FDXR: variants seen among roughly 807,000 people sequenced by gnomAD.
FDXR encodes the protein ferredoxin reductase, also known as NADPH:adrenodoxin oxidoreductase, mitochondrial.
Under a neutral mutation model 58.3 loss-of-function variants are expected in FDXR, and 38 were observed. The ratio of observed to expected loss-of-function variants is 0.65; its 90% CI spans 0.50 to 0.85. The LOEUF is 0.85. Ranked by LOEUF, FDXR falls within the 40% of genes least tolerant of loss-of-function variation. The probability of loss-of-function intolerance (pLI) is 0.00; values close to 1 mark genes in which losing one functional copy is unlikely to be tolerated. For missense variants in FDXR, 624 were observed against 671.0 expected, an observed-to-expected ratio of 0.93 and a Z score of 0.77; for synonymous variants, 275 against 273.8, an observed-to-expected ratio of 1.00 and a Z score of -0.04.
At chr17:74,863,054 A>G (rs752720680) in intron 11 of FDXR, 22 bp downstream of exon 11, 2 of 1,607,444 alleles carry the variant, frequency 1.2e-6, no homozygotes, top group African/African-American at 2.7e-5. Context: ...ACCTCCCAGG[A>G]CCTCAGCATC....
Position 74,864,273 on chromosome 17 carries a change from C to G in FDXR, c.877G>C (p.Ala293Pro). Residue 293 changes from alanine to proline, a missense_variant, in exon 9 of 12, where the codon GCT becomes CCT. Transcript: ENST00000293195. ...CGGGAGGCCGATGCCTGGCGGGCAG[C>G]TTCCGCCGGCCCTGGCTTCTCTGTG... is the stretch of plus-strand genomic sequence containing the variant. ...TATEKPGPAEAARQASASRAW... is the reference protein window; with the variant it reads ...TATEKPGPAEPARQASASRAW... 1.3e-6 allele frequency: 2 copies of G among 1,596,438 alleles called. No individual in the cohort carries two copies. The highest frequency in any genetic ancestry group is 1.7e-6 in the Non-Finnish European group (2 of 1,167,860).
intron 4 of FDXR, 44 bp downstream of exon 4, chr17:74,866,402 T>C (rs918940252): frequency 5.6e-6 from 9 of 1,606,638 alleles, no homozygotes; most frequent in Non-Finnish European, 7.7e-6. Flanking sequence ...CCGGCCTCCT[T>C]CTGCAGCCCC....
At chr17:74,870,991 T>C (rs2038359006) in intron 2 of FDXR, among the ~76,000 whole-genome samples, 1 of 151,352 alleles carries the variant, frequency 6.6e-6, no homozygotes. Context: ...TTAGTAGAGA[T>C]GGGGTTTCAC....
Position 74,863,994 on chromosome 17 carries a change from C to G in FDXR, c.1076G>C (p.Ser359Thr). ...GACAGGGCGGCTCTTATACCCAATG[C>G]TGCTGAGCACCAGCCCACAAGGGAG... ...EDLPCGLVLSSIGYKSRPVDP... is the reference protein window; with the variant it reads ...EDLPCGLVLSTIGYKSRPVDP... The change falls in exon 10 of 12, where the codon AGC (serine) becomes ACC (threonine). Residue 359 changes from serine to threonine, a missense_variant. Coordinates refer to ENST00000293195, the MANE Select transcript of FDXR (RefSeq NM_024417.5). The G allele has an allele frequency of 6.2e-7, 1 of 1,614,070 alleles. No homozygotes were observed. Among genetic ancestry groups the G allele is most frequent in the Non-Finnish European group, 8.5e-7 (1 of 1,180,024 alleles).
Position 74,870,941 on chromosome 17 carries a change from T to A in FDXR, c.177+1095A>T, listed in dbSNP as rs34497999. 9.9e-3 allele frequency among the ~76,000 whole-genome samples: 1,507 copies of A among 152,044 alleles called. 36 individuals carry two copies. The highest frequency in any genetic ancestry group is 0.034 in the African/African-American group (1,408 of 41,484). On this transcript the variant is annotated intron_variant, in intron 2 of 11. Coordinates refer to ENST00000293195, the MANE Select transcript of FDXR (RefSeq NM_024417.5). ...ACTCAGCCTCCCAAGTACCTGGGAC[T>A]ACAGACCTGTGCCACCACACGTGGC...
intron 2 of FDXR, among the ~76,000 whole-genome samples, chr17:74,869,006 C>G (rs2038285684): frequency 1.3e-5 from 2 of 152,162 alleles, no homozygotes; most frequent in African/African-American, 4.8e-5. Flanking sequence ...CCCATCCACT[C>G]AGAGCCCAAG....
rs779057290 is a variant in FDXR at position 74,864,510 on chromosome 17, C to G, written c.772G>C (p.Asp258His). The G allele has an allele frequency of 1.9e-6, 3 of 1,614,114 alleles. No homozygotes were observed. Among genetic ancestry groups the G allele is most frequent in the Non-Finnish European group, 2.5e-6 (3 of 1,179,982 alleles). ...ATCTTGTCCTGGAGACCCAAGAAATCCACAGGATCCAAAATGGGCCGGGCT... is the reference window on the plus strand; with the variant it reads ...ATCTTGTCCTGGAGACCCAAGAAATGCACAGGATCCAAAATGGGCCGGGCT... Reference protein sequence around the residue: ...PGARPILDPVDFLGLQDKIKE... With the variant: ...PGARPILDPVHFLGLQDKIKE... The change falls in exon 8 of 12, where the codon GAT becomes CAT. Residue 258 changes from aspartate (D) to histidine (H), a missense_variant. Physicochemically the swap from Asp to His is moderately conservative, Grantham distance 81 (BLOSUM62 -1). Coordinates refer to ENST00000293195, the MANE Select transcript of FDXR (RefSeq NM_024417.5).
chr17:74,865,142 T>A (rs2038132130), intron 6 of FDXR, among the ~76,000 whole-genome samples: 1 of 151,896 alleles, frequency 6.6e-6, no homozygotes, highest in African/African-American at 2.4e-5. Context: ...ATTCAACAAG[T>A]ATGTAGTGGG....
chr17:74,865,617 G>A, intron 6 of FDXR, 102 bp downstream of exon 6: 1 of 754,596 alleles, frequency 1.3e-6, no homozygotes. Flanking sequence ...CAGAGGCACT[G>A]AGCCCAGCTT....
At position 74,866,161 on chromosome 17, in the gene FDXR, G is replaced by A. The variant is rs2038173474; in HGVS notation, c.477C>T (p.Gly159=). The A allele has an allele frequency of 6.2e-7, 1 of 1,613,748 alleles. No homozygotes were observed. The change falls in exon 5 of 12, where the codon GGC becomes GGT. Residue 159 remains glycine, a synonymous_variant. Coordinates refer to ENST00000293195, the MANE Select transcript of FDXR (RefSeq NM_024417.5). ...GGTTCTCAGGAAGCCCGTTGTACCA[G>A]CCCACGAAGGCCCGGGCGGAGCACA... ...PGVCSARAFV[G]WYNGLPENQE... is the part of the protein sequence containing the mutation.
intron 2 of FDXR, chr17:74,867,124 T>C (rs1298945717): frequency 4.4e-6 from 3 of 678,890 alleles, no homozygotes; most frequent in Non-Finnish European, 7.2e-6. Context: ...CTGACCAACA[T>C]GGTGAAACCC....
At position 74,862,876 on chromosome 17, in the gene FDXR, C is replaced by T; in HGVS notation, c.1417G>A (p.Gly473Arg). ...TCCACCAGCTTCTCCCTGGGCTTCC[C>T]CGTGCCCTGGCCCCGGGCCACCTCC... is the stretch of plus-strand genomic sequence containing the variant. ...AEEVARGQGT[G>R]KPREKLVDPQ... is the part of the protein sequence containing the mutation. The change falls in exon 12 of 12, where the codon GGG (glycine) becomes AGG (arginine). Residue 473 changes from glycine (G) to arginine (R), a missense_variant. By Grantham distance (125) the Gly-to-Arg change is moderately radical. Transcript: ENST00000293195. 1 of 1,613,268 alleles carries T rather than the reference C, an allele frequency of 6.2e-7. No homozygotes were observed. The highest frequency in any genetic ancestry group is 1.1e-5 in the South Asian group (1 of 91,090).
intron 6 of FDXR, 33 bp downstream of exon 6, chr17:74,865,686 C>A: frequency 6.6e-7 from 1 of 1,510,514 alleles, no homozygotes; most frequent in Non-Finnish European, 9.1e-7. Context: ...GTGACCCCAC[C>A]TCCAACCCCG....
At chr17:74,868,484 C>T in intron 2 of FDXR, 1 of 1,092,292 alleles carries the variant, frequency 9.2e-7, no homozygotes, top group Non-Finnish European at 1.3e-6. Context: ...CGCTGGGGCC[C>T]AGTGCCACAG....
In FDXR at chr17:74,872,131, A is replaced by C. The variant is rs763434093; in HGVS notation, c.82T>G (p.Phe28Val). Residue 28 changes from phenylalanine (F) to valine (V), a missense_variant and splice_region_variant, in exon 2 of 12, where the codon TTC (phenylalanine) becomes GTC (valine). By Grantham distance (50) the Phe-to-Val change is conservative. Transcript: ENST00000293195. Reference sequence around the variant, plus strand: ...TCCTGTGTGGAGAAATGGTGGCAGAAGCCTGGGGCCAGGCAGAGGAGAGGG... The same window carrying C: ...TCCTGTGTGGAGAAATGGTGGCAGACGCCTGGGGCCAGGCAGAGGAGAGGG... ...RLPPAGSTPS[F>V]CHHFSTQEKT... is the part of the protein sequence containing the mutation. The C allele has an allele frequency of 1.9e-6, 3 of 1,604,906 alleles. No individual in the cohort carries two copies. Among genetic ancestry groups the C allele is most frequent in the Non-Finnish European group, 1.7e-6 (2 of 1,175,330 alleles).
chr17:74,871,748 C>A (rs540037952), intron 2 of FDXR, among the ~76,000 whole-genome samples: 7 of 152,298 alleles, frequency 4.6e-5, no homozygotes, highest in African/African-American at 7.2e-5. Context: ...AGTCATTTTG[C>A]AGGTCTACAT....
chr17:74,865,388 C>T (rs1270937882), intron 6 of FDXR, among the ~76,000 whole-genome samples: 4 of 151,952 alleles, frequency 2.6e-5, no homozygotes, highest in South Asian at 4.2e-4. Flanking sequence ...TCAGGGAAGT[C>T]CTGGAGGAAG....
chr17:74,865,310 C>T (rs917226425), intron 6 of FDXR, among the ~76,000 whole-genome samples: 1 of 151,754 alleles, frequency 6.6e-6, no homozygotes, highest in Non-Finnish European at 1.5e-5. Flanking sequence ...ATTGCTGTGG[C>T]GATGATATGC....
chr17:74,864,400 C>G, intron 8 of FDXR, 53 bp from the exon 9 acceptor site: 2 of 1,603,808 alleles, frequency 1.2e-6, no homozygotes, highest in Non-Finnish European at 1.7e-6. Context: ...GGCCCTCTCC[C>G]TGCATGCCCT....
Sources: allele counts gnomAD v4.1 joint callset (sites outside exome capture counted in the v4.1 genomes callset), GRCh38; gene constraint gnomAD v4.1.1; transcripts MANE v1.5; gene names NCBI Gene and HGNC (gene_info 2026-07-23, HGNC 2026-07-21).